The following TRMT9B variants were observed in gnomAD, a reference collection of about 807,000 sequenced individuals.
The protein encoded by TRMT9B is tRNA methyltransferase 9B (putative).
Under a neutral mutation model 11.5 loss-of-function variants are expected in TRMT9B, and 16 were observed. The ratio of observed to expected loss-of-function variants is 1.39; its 90% CI spans 0.94 to 2.11. TRMT9B has a LOEUF of 2.11. Among genes scored for constraint, TRMT9B ranks in the 30% most tolerant of loss-of-function variants. The pLI is 0.00. For missense variants in TRMT9B, 941 were observed against 553.8 expected (o/e 1.70, Z -7.02); for synonymous variants, 274 against 192.4 (o/e 1.42, Z -3.51).
Position 13,014,795 on chromosome 8 carries a change from A to G in TRMT9B, c.328+1938A>G, listed in dbSNP as rs565339525. On this transcript the variant is annotated intron_variant, in intron 4 of 4. Transcript: ENST00000524591. ...TCAAAGAAATGGGCCGGGCGCGGTG[A>G]CTCAGGCCTGTAATCCTAGCACTTT... Among the ~76,000 whole-genome samples, 3 of 152,198 alleles carry G rather than the reference A, an allele frequency of 2.0e-5. No homozygotes were observed. The East Asian group carries it at 5.8e-4, about 29-fold the overall frequency.
At chr8:12,969,824 A>G (rs1163217595) in intron 1 of TRMT9B, among the ~76,000 whole-genome samples, 1 of 147,760 alleles carries the variant, frequency 6.8e-6, no homozygotes, top group Admixed American at 6.8e-5. Context: ...GGCCTGCACC[A>G]CCACACCCAG....
chr8:12,972,488 C>G (rs556676709), intron 1 of TRMT9B, among the ~76,000 whole-genome samples: 1 of 152,246 alleles, frequency 6.6e-6, no homozygotes, highest in African/African-American at 2.4e-5. Context: ...AATGCCGCTG[C>G]CAGGGTGAAG....
intron 2 of TRMT9B, among the ~76,000 whole-genome samples, chr8:13,000,981 C>T (rs534671530): frequency 6.6e-6 from 1 of 152,188 alleles, no homozygotes; most frequent in East Asian, 1.9e-4. Context: ...ACCCTGAGCC[C>T]CTATCTAGAG....
At chr8:12,980,296 G>A (rs994084340) in intron 1 of TRMT9B, among the ~76,000 whole-genome samples, 6 of 152,154 alleles carry the variant, frequency 3.9e-5, no homozygotes, top group Non-Finnish European at 7.3e-5. Context: ...TCTGCCTTCT[G>A]TCTTCTCTCC....
intron 1 of TRMT9B, among the ~76,000 whole-genome samples, chr8:12,977,945 C>G: frequency 6.6e-6 from 1 of 152,136 alleles, no homozygotes; most frequent in East Asian, 1.9e-4. Flanking sequence ...GGGAAGACTG[C>G]TTGAGCCTGG....
rs1218518226 is a variant in TRMT9B at position 13,025,908 on chromosome 8, G to C, written c.*3864G>C. ...CATCAATTCAATAGGCAAAAATTTG[G>C]AGTAATCCAGAGAAAAAACCATCCA... On this transcript the variant is annotated 3_prime_UTR_variant, in exon 5 of 5. Coordinates refer to ENST00000524591, the MANE Select transcript of TRMT9B (RefSeq NM_020844.3). 1.2e-5 allele frequency: 2 copies of C among 166,684 alleles called. No homozygotes were observed. The highest frequency in any genetic ancestry group is 2.9e-5 in the Non-Finnish European group (2 of 68,096). 10.3% of individuals were successfully genotyped at this position (166,684 alleles called of 1,614,324 possible).
intron 1 of TRMT9B, among the ~76,000 whole-genome samples, chr8:12,957,794 A>C: frequency 6.6e-6 from 1 of 152,348 alleles, no homozygotes; most frequent in Middle Eastern, 3.4e-3. Flanking sequence ...TGTATTTTGC[A>C]TAGAATGAAG....
Position 13,026,348 on chromosome 8 carries a change from AG to A in TRMT9B, c.*4308del. 1 of 166,704 alleles carries A rather than the reference AG, an allele frequency of 6.0e-6. No homozygotes were observed. The highest frequency in any genetic ancestry group is 2.1e-4 in the South Asian group (1 of 4,818). The allele number at this position is 166,704 out of a possible 1,614,324, so 10.3% of individuals were successfully genotyped here. A position where few individuals can be genotyped will look rare whatever the true frequency, so the allele number is the denominator to read the frequency against. On this transcript the variant is annotated 3_prime_UTR_variant, in exon 5 of 5. Transcript: ENST00000524591. ...ACAATGAGAACACATGGACACAGTA[AG>A]GGGAACATCACACACTGGGACCTGT...
intron 1 of TRMT9B, among the ~76,000 whole-genome samples, chr8:12,949,981 T>A (rs1463664082): frequency 6.6e-6 from 1 of 152,150 alleles, no homozygotes; most frequent in Non-Finnish European, 1.5e-5. Context: ...ACCTCCTGAA[T>A]GGCTGGGATC....
Position 13,021,284 on chromosome 8 carries a change from G to C in TRMT9B, c.605G>C (p.Cys202Ser), listed in dbSNP as rs1434745382. ...TGCTCTGAGTGTAGCTGTTCTGTTT[G>C]TTTTAAAGAGCAGTGTGGTTCAAAA... ...PPCSECSCSV[C>S]FKEQCGSKRS... The change falls in exon 5 of 5, where the codon TGT (cysteine) becomes TCT (serine). Residue 202 changes from cysteine to serine, a missense_variant. By Grantham distance (112) the Cys-to-Ser change is moderately radical. Coordinates refer to ENST00000524591, the MANE Select transcript of TRMT9B (RefSeq NM_020844.3). 3.7e-6 allele frequency: 6 copies of C among 1,613,986 alleles called. No individual in the cohort carries two copies. The highest frequency in any genetic ancestry group is 5.1e-6 in the Non-Finnish European group (6 of 1,179,872).
intron 1 of TRMT9B, among the ~76,000 whole-genome samples, chr8:12,954,007 C>A (rs1800974317): frequency 6.6e-6 from 1 of 152,104 alleles, no homozygotes; most frequent in African/African-American, 2.4e-5. Context: ...GGAAATGTGC[C>A]TTTTTGCGTG....
At chr8:12,962,245 T>C (rs1802220006) in intron 1 of TRMT9B, 1 of 152,252 alleles carries the variant, frequency 6.6e-6, no homozygotes, top group Non-Finnish European at 1.5e-5. Context: ...TCATATGCCA[T>C]TCCCTTCAAA....
chr8:13,002,561 G>C (rs1031370566), intron 2 of TRMT9B, among the ~76,000 whole-genome samples: 1 of 152,172 alleles, frequency 6.6e-6, no homozygotes, highest in African/African-American at 2.4e-5. Context: ...AGTTTGCTAG[G>C]ATTTTTTGCA....
chr8:12,990,654 A>T (rs926980074), intron 1 of TRMT9B, among the ~76,000 whole-genome samples, 180 bp from the exon 2 acceptor site: 6 of 152,198 alleles, frequency 3.9e-5, no homozygotes, highest in Non-Finnish European at 8.8e-5. Flanking sequence ...GAATTGATTT[A>T]TTGGCCTATT....
At position 13,029,679 on chromosome 8, in the gene TRMT9B, C is replaced by A. The variant is rs1472905918; in HGVS notation, c.*7635C>A. ...ATTTATCTAAGGGAAGCAAAATTAA[C>A]CTTTTAATAATAGATTATCTTTAAT... On this transcript the variant is annotated 3_prime_UTR_variant, in exon 5 of 5. Transcript: ENST00000524591. 1.3e-5 allele frequency: 2 copies of A among 155,278 alleles called. No individual in the cohort carries two copies. Among genetic ancestry groups the A allele is most frequent in the African/African-American group, 4.8e-5 (2 of 41,526 alleles). The allele number at this position is 155,278 out of a possible 1,614,324, so 9.6% of individuals were successfully genotyped here.
Position 13,021,301 on chromosome 8 carries a change from G to A in TRMT9B, c.622G>A (p.Gly208Ser). Residue 208 changes from glycine to serine, a missense_variant, in exon 5 of 5, where the codon GGT (glycine) becomes AGT (serine). Transcript: ENST00000524591. ...SCSVCFKEQC[G>S]SKRSHSVGYE... ...TTCTGTTTGTTTTAAAGAGCAGTGT[G>A]GTTCAAAACGGTCCCACAGCGTGGG... is the stretch of plus-strand genomic sequence containing the variant. 1.2e-6 allele frequency: 2 copies of A among 1,613,972 alleles called. No individual in the cohort carries two copies. Among genetic ancestry groups the A allele is most frequent in the Non-Finnish European group, 1.7e-6 (2 of 1,179,878 alleles).
Position 13,021,521 on chromosome 8 carries a change from C to G in TRMT9B, c.842C>G (p.Thr281Ser). Residue 281 changes from threonine (T) to serine (S), a missense_variant, in exon 5 of 5, where the codon ACT (threonine) becomes AGT (serine). Thr to Ser is a moderately conservative substitution (Grantham distance 58, BLOSUM62 1). Transcript: ENST00000524591. ...AACACAGAAGTTTGGGCCAGTAGCA[C>G]TGTAACAGTCCAGCCTTCCAGACAC... The part of the protein sequence containing the change: ...LKNTEVWASS[T>S]VTVQPSRHSS... 1 of 1,613,788 alleles carries G rather than the reference C, an allele frequency of 6.2e-7. No individual in the cohort carries two copies. The highest frequency in any genetic ancestry group is 1.3e-5 in the African/African-American group (1 of 75,028).
At chr8:12,998,376 T>C (rs1808749018) in intron 2 of TRMT9B, among the ~76,000 whole-genome samples, 1 of 152,244 alleles carries the variant, frequency 6.6e-6, no homozygotes, top group Non-Finnish European at 1.5e-5. Flanking sequence ...AATTCATAAA[T>C]GTATGTCAGT....
intron 1 of TRMT9B, among the ~76,000 whole-genome samples, chr8:12,949,315 C>A (rs1018952617): frequency 2.6e-5 from 4 of 151,892 alleles, no homozygotes; most frequent in Admixed American, 6.6e-5. Context: ...ATGCAATAAA[C>A]CCCCATGTGT....
Sources: allele counts gnomAD v4.1 joint callset (sites outside exome capture counted in the v4.1 genomes callset), GRCh38; gene constraint gnomAD v4.1.1; transcripts MANE v1.5; gene names NCBI Gene and HGNC (gene_info 2026-07-23, HGNC 2026-07-21).